The following GRID2 variants were observed in gnomAD, a reference collection of about 807,000 sequenced individuals.
GRID2 encodes glutamate receptor ionotropic, delta-2.
Under a neutral mutation model 114.8 loss-of-function variants are expected in GRID2, and 33 were observed. The observed-to-expected ratio is 0.29, with a 90% CI of 0.22 to 0.38. The LOEUF (loss-of-function observed/expected upper bound fraction) is 0.38. Among genes scored for constraint, GRID2 ranks in the 10% least tolerant of loss-of-function variants. GRID2 has a pLI of 1.00. For synonymous variants in GRID2, 505 were observed against 449.9 expected, an observed-to-expected ratio of 1.12 and a Z score of -1.55; for missense variants, 1,184 against 1,257.7, an observed-to-expected ratio of 0.94 and a Z score of 0.89.
intron 1 of GRID2, among the ~76,000 whole-genome samples, chr4:92,344,113 C>A (rs1727646735): frequency 6.6e-6 from 1 of 151,958 alleles, no homozygotes; most frequent in South Asian, 2.1e-4. Context: ...CTGTGTTACT[C>A]AAGGGTCAAC....
At chr4:93,028,337 G>A (rs552148084) in intron 2 of GRID2, among the ~76,000 whole-genome samples, 1 of 152,154 alleles carries the variant, frequency 6.6e-6, no homozygotes, top group African/African-American at 2.4e-5. Context: ...TAGAGGGGGT[G>A]GGGATGACAA....
chr4:93,809,253 G>A (rs1457629807), exon 2 of GRID2: 1 of 152,084 alleles, frequency 6.6e-6, no homozygotes, highest in Admixed American at 6.6e-5. Context: ...GATTCTGATT[G>A]GCTGATCCAA....
In GRID2 at chr4:93,316,276, AAAAGAACGAAAGAACGAAAG is replaced by A. The variant is rs750578136; in HGVS notation, c.1245+77793_1245+77812del. On this transcript the variant is annotated intron_variant, in intron 8 of 15. Coordinates refer to ENST00000282020, the MANE Select transcript of GRID2 (RefSeq NM_001510.4). ...AAAAAAGAAAGAAAGAGAAAGAAAG[AAAAGAACGAAAGAACGAAAG>A]AAAGAAAGAAAGAAAGAAAGAAAGA... Among the ~76,000 whole-genome samples, 110 of 57,396 alleles carry A rather than the reference AAAAGAACGAAAGAACGAAAG, an allele frequency of 1.9e-3. 2 individuals are homozygous for A. Among genetic ancestry groups the A allele is most frequent in the African/African-American group, 7.1e-3 (104 of 14,640 alleles). 37.7% of individuals were successfully genotyped at this position (57,396 alleles called of 152,430 possible).
chr4:93,717,867 T>C (rs1226971001), intron 14 of GRID2, among the ~76,000 whole-genome samples: 1 of 152,156 alleles, frequency 6.6e-6, no homozygotes, highest in Non-Finnish European at 1.5e-5. Flanking sequence ...ATTCTGGCCC[T>C]TACTACTTAC....
intron 8 of GRID2, among the ~76,000 whole-genome samples, chr4:93,315,771 A>G (rs58640706): frequency 0.036 from 5,544 of 152,194 alleles, 304 homozygotes; most frequent in African/African-American, 0.12. Flanking sequence ...ATACTCTCCT[A>G]TACTAAGTGT....
chr4:92,319,546 A>G (rs1365025277), intron 1 of GRID2, among the ~76,000 whole-genome samples: 6 of 152,190 alleles, frequency 3.9e-5, no homozygotes, highest in African/African-American at 1.4e-4. Context: ...ATGCCTAGGG[A>G]AGCTAATAGG....
chr4:93,527,928 C>G (rs1731075375), intron 13 of GRID2, among the ~76,000 whole-genome samples: 1 of 152,122 alleles, frequency 6.6e-6, no homozygotes, highest in South Asian at 2.1e-4. Context: ...TTTGAACATT[C>G]TAGGTATCTC....
At chr4:93,105,158 G>GT (rs1218026208) in intron 3 of GRID2, among the ~76,000 whole-genome samples, 4 of 152,054 alleles carry the variant, frequency 2.6e-5, no homozygotes, top group East Asian at 1.9e-4. Context: ...GGCGTTGTTT[G>GT]TTTTTTTCTT....
At chr4:93,234,275 A>G (rs1043678583) in intron 7 of GRID2, among the ~76,000 whole-genome samples, 1 of 152,134 alleles carries the variant, frequency 6.6e-6, no homozygotes, top group African/African-American at 2.4e-5. Context: ...AAACTGGAAT[A>G]GATTTAATTT....
intron 14 of GRID2, among the ~76,000 whole-genome samples, chr4:93,657,158 C>A (rs1723097024): frequency 6.6e-6 from 1 of 152,022 alleles, no homozygotes; most frequent in Non-Finnish European, 1.5e-5. Flanking sequence ...CTAGCCCTAC[C>A]TTCAGATGAT....
chr4:93,490,473 A>G (rs1440960287), intron 11 of GRID2, among the ~76,000 whole-genome samples, 166 bp from the exon 12 acceptor site: 1 of 151,910 alleles, frequency 6.6e-6, no homozygotes. Context: ...ATAATCTCAT[A>G]AAAGAGAATT....
intron 2 of GRID2, among the ~76,000 whole-genome samples, chr4:92,860,898 T>G (rs1744482206): frequency 1.3e-5 from 2 of 152,082 alleles, no homozygotes; most frequent in South Asian, 4.1e-4. Flanking sequence ...GTACACTAAC[T>G]TTAAAGAGCT....
chr4:93,035,140 C>G (rs1724815905), intron 2 of GRID2, among the ~76,000 whole-genome samples: 1 of 143,628 alleles, frequency 7.0e-6, no homozygotes. Context: ...GAGTCTTACT[C>G]TGTCACCCAG....
At chr4:93,335,706 T>TTTTTTA (rs747465298) in intron 8 of GRID2, among the ~76,000 whole-genome samples, 3 of 141,914 alleles carry the variant, frequency 2.1e-5, no homozygotes, top group African/African-American at 5.1e-5. Flanking sequence ...TTTTTTTTTT[T>TTTTTTA]GAGACAGGGT....
At chr4:93,091,258 A>C (rs1578961271) in intron 3 of GRID2, among the ~76,000 whole-genome samples, 1 of 152,108 alleles carries the variant, frequency 6.6e-6, no homozygotes, top group South Asian at 2.1e-4. Flanking sequence ...ATAGTGGCAG[A>C]GAAGGTATTT....
intron 13 of GRID2, among the ~76,000 whole-genome samples, chr4:93,548,385 T>G (rs932462493): frequency 6.6e-6 from 1 of 152,164 alleles, no homozygotes; most frequent in African/African-American, 2.4e-5. Flanking sequence ...GGGAACCATC[T>G]CATGGGAAGT....
chr4:93,514,541 T>A (rs1251714419), intron 12 of GRID2, among the ~76,000 whole-genome samples: 1 of 152,076 alleles, frequency 6.6e-6, no homozygotes, highest in Non-Finnish European at 1.5e-5. Flanking sequence ...TCTTTGAGGC[T>A]GGACAGACCC....
chr4:93,270,381 C>T (rs895573367), intron 8 of GRID2, among the ~76,000 whole-genome samples: 10 of 152,032 alleles, frequency 6.6e-5, no homozygotes, highest in Non-Finnish European at 1.3e-4. Context: ...AATGAAAAAT[C>T]ATCAAAGGAG....
At chr4:92,791,963 T>C (rs1255506441) in intron 2 of GRID2, among the ~76,000 whole-genome samples, 1 of 151,838 alleles carries the variant, frequency 6.6e-6, no homozygotes, top group Non-Finnish European at 1.5e-5. Context: ...ATATGTAATA[T>C]ATGGATATAC....
Sources: gnomAD v4.1 joint callset for allele counts (sites outside exome capture counted in the v4.1 genomes callset) on GRCh38, gnomAD v4.1.1 for gene constraint, MANE v1.5 for transcripts, NCBI Gene and HGNC (gene_info 2026-07-23, HGNC 2026-07-21) for gene names.